Variants in GRIK4 observed in about 807,000 individuals in gnomAD.
GRIK4 encodes glutamate receptor ionotropic, kainate 4.
GRIK4 carries 40 observed loss-of-function variants against 104.9 expected under a neutral mutation model. The observed-to-expected ratio is 0.38, with a 90% CI of 0.30 to 0.50. The LOEUF (loss-of-function observed/expected upper bound fraction) is 0.50. Ranked by LOEUF, GRIK4 falls within the 20% of genes least tolerant of loss-of-function variation. The probability of loss-of-function intolerance (pLI) is 0.93; values close to 1 mark genes in which losing one functional copy is unlikely to be tolerated. For missense variants in GRIK4, 1,047 were observed against 1,308.1 expected, an observed-to-expected ratio of 0.80 and a Z score of 3.08; for synonymous variants, 485 against 524.9, an observed-to-expected ratio of 0.92 and a Z score of 1.04.
chr11:120,854,822 A>T (rs575604475), intron 8 of GRIK4, among the ~76,000 whole-genome samples: 77 of 152,248 alleles, frequency 5.1e-4, no homozygotes, highest in African/African-American at 1.7e-3. Flanking sequence ...AACTTTTCTG[A>T]TTAAAAAAGA....
At chr11:120,600,015 C>T (rs1445860379) in intron 1 of GRIK4, among the ~76,000 whole-genome samples, 10 of 152,188 alleles carry the variant, frequency 6.6e-5, no homozygotes, top group African/African-American at 2.2e-4. Flanking sequence ...TGGGGCCTGG[C>T]GCATCAGAAA....
chr11:120,525,833 T>TCC (rs1350407894), intron 1 of GRIK4, among the ~76,000 whole-genome samples: 1 of 151,896 alleles, frequency 6.6e-6, no homozygotes, highest in Non-Finnish European at 1.5e-5. Flanking sequence ...ACAGCTGGAG[T>TCC]TAGAGTCCCT....
intron 1 of GRIK4, among the ~76,000 whole-genome samples, chr11:120,585,724 T>C (rs1004868797): frequency 1.2e-4 from 11 of 94,712 alleles, no homozygotes; most frequent in South Asian, 3.4e-4. Context: ...TTTTTGTTTT[T>C]GTTTTTTTTT....
At chr11:120,831,074 C>T (rs1407069187) in intron 6 of GRIK4, among the ~76,000 whole-genome samples, 2 of 152,116 alleles carry the variant, frequency 1.3e-5, no homozygotes, top group East Asian at 1.9e-4. Flanking sequence ...CCTTGGTGCA[C>T]AGTCCCTTTT....
At chr11:120,543,574 CAAAAG>C (rs1948057895) in intron 1 of GRIK4, among the ~76,000 whole-genome samples, 1 of 151,998 alleles carries the variant, frequency 6.6e-6, no homozygotes, top group Non-Finnish European at 1.5e-5. Context: ...GACTCCATCT[CAAAAG>C]AAAAGAGAAT....
intron 17 of GRIK4, among the ~76,000 whole-genome samples, chr11:120,962,176 A>G (rs943342984): frequency 2.6e-5 from 4 of 152,212 alleles, no homozygotes; most frequent in African/African-American, 9.6e-5. Context: ...TCTTGAGGGT[A>G]GATGAGGCAA....
chr11:120,851,134 T>C (rs1397538641), intron 8 of GRIK4, among the ~76,000 whole-genome samples: 1 of 152,118 alleles, frequency 6.6e-6, no homozygotes, highest in African/African-American at 2.4e-5. Flanking sequence ...CCATTCCTGA[T>C]CATATTGCTC....
intron 3 of GRIK4, among the ~76,000 whole-genome samples, chr11:120,789,498 A>C (rs902804848): frequency 2.6e-5 from 4 of 151,854 alleles, no homozygotes; most frequent in Non-Finnish European, 5.9e-5. Context: ...TCTTTCCTGG[A>C]CTATTAAAAT....
rs111750658 is a variant in GRIK4, at chr11:120,825,020, G to A, written c.511+5100G>A. ...GCTCACTGCAACCTCTGCTTCCTGG[G>A]TTCAAGCGATTCTCCTGCCTCACCC... On this transcript the variant is annotated intron_variant, in intron 6 of 20. Coordinates refer to ENST00000527524, the MANE Select transcript of GRIK4 (RefSeq NM_014619.5). Among the ~76,000 whole-genome samples the A allele has an allele frequency of 7.2e-4, 110 of 152,010 alleles. 1 individual carries two copies. Among genetic ancestry groups the A allele is most frequent in the African/African-American group, 2.5e-3 (104 of 41,452 alleles).
At chr11:120,802,357 C>T (rs1196295553) in intron 3 of GRIK4, among the ~76,000 whole-genome samples, 1 of 152,148 alleles carries the variant, frequency 6.6e-6, no homozygotes, top group Non-Finnish European at 1.5e-5. Flanking sequence ...TGCACAATGC[C>T]TGCTTGCCTG....
rs1948176114 is a variant in GRIK4, at chr11:120,555,225, G to C, written c.-159+43338G>C. On this transcript the variant is annotated intron_variant, in intron 1 of 20. Transcript: ENST00000527524. This position sits in a 1 kb window ranked among gnomAD's most constrained non-coding sequence, Gnocchi z 5.3. ...GGCGGCATGCCCCAGAGAGCCCTAT[G>C]CTTTTTGCTGGCTGTCCAAAAGCAA... Among the ~76,000 whole-genome samples the C allele has an allele frequency of 6.6e-6, 1 of 152,234 alleles. No individual in the cohort carries two copies. The highest frequency in any genetic ancestry group is 2.4e-5 in the African/African-American group (1 of 41,466).
At chr11:120,792,530 G>C (rs899650269) in intron 3 of GRIK4, among the ~76,000 whole-genome samples, 1 of 152,072 alleles carries the variant, frequency 6.6e-6, no homozygotes, top group Non-Finnish European at 1.5e-5. Flanking sequence ...AGAGTTAAGA[G>C]GTTGCAGTTA....
intron 3 of GRIK4, among the ~76,000 whole-genome samples, chr11:120,739,297 G>C (rs1305828165): frequency 6.6e-6 from 1 of 152,194 alleles, no homozygotes; most frequent in Non-Finnish European, 1.5e-5. Context: ...AAAATGCTTA[G>C]AGCAGTGCTT....
chr11:120,783,859 C>T (rs894274455), intron 3 of GRIK4, among the ~76,000 whole-genome samples: 5 of 152,116 alleles, frequency 3.3e-5, no homozygotes, highest in Middle Eastern at 3.2e-3. Context: ...AAAAACGATG[C>T]ATAATATGGG....
At chr11:120,658,452 G>A (rs1039789945) in intron 2 of GRIK4, among the ~76,000 whole-genome samples, 3 of 152,096 alleles carry the variant, frequency 2.0e-5, no homozygotes, top group African/African-American at 7.2e-5. Context: ...TAGTATACCA[G>A]TTTTCCAAAG....
chr11:120,953,062 G>C lies in GRIK4; in HGVS notation c.1700+98G>C. On this transcript the variant is annotated intron_variant, in intron 15 of 20. Coordinates refer to ENST00000527524, the MANE Select transcript of GRIK4 (RefSeq NM_014619.5). This position sits in a 1 kb window ranked among gnomAD's most constrained non-coding sequence, Gnocchi z 4.9. Reference sequence around the variant, plus strand: ...GGTGGGGAGGAGGAGAGGGGGAGGAGGAGTTGGGAAGATCTTGGTGCCAAA... The same window carrying C: ...GGTGGGGAGGAGGAGAGGGGGAGGACGAGTTGGGAAGATCTTGGTGCCAAA... 1.3e-6 allele frequency: 1 copy of C among 768,194 alleles called. No homozygotes were observed. The highest frequency in any genetic ancestry group is 2.2e-6 in the Non-Finnish European group (1 of 451,190). The allele number at this position is 768,194 out of a possible 1,614,324, so 47.6% of individuals were successfully genotyped here.
At chr11:120,787,940 G>A (rs1952321431) in intron 3 of GRIK4, among the ~76,000 whole-genome samples, 1 of 124,422 alleles carries the variant, frequency 8.0e-6, no homozygotes, top group African/African-American at 3.2e-5. Context: ...TCGGCTCACA[G>A]CAGCAACCTC....
chr11:120,876,146 TCAC>T (rs1316921023), intron 11 of GRIK4, among the ~76,000 whole-genome samples: 2 of 147,850 alleles, frequency 1.4e-5, no homozygotes, highest in East Asian at 2.1e-4. Flanking sequence ...ACTGTCATCA[TCAC>T]CACCACCACC....
At chr11:120,548,762 C>T (rs977687956) in intron 1 of GRIK4, among the ~76,000 whole-genome samples, 5 of 152,218 alleles carry the variant, frequency 3.3e-5, no homozygotes, top group East Asian at 3.9e-4. Flanking sequence ...ACCCCAGCTC[C>T]GAGACCCCTT....
Sources: gnomAD v4.1 joint callset for allele counts (sites outside exome capture counted in the v4.1 genomes callset) on GRCh38, gnomAD v4.1.1 for gene constraint, Gnocchi (gnomAD v3.1) non-coding constraint, MANE v1.5 for transcripts, NCBI Gene and HGNC (gene_info 2026-07-23, HGNC 2026-07-21) for gene names.